Variants in ZNF77 observed in about 807,000 individuals in gnomAD.
ZNF77 encodes the protein ZNFpT1.
A neutral mutation model predicts 13.5 loss-of-function variants in ZNF77; 15 were observed. The observed-to-expected ratio is 1.11, with a 90% confidence interval of 0.74 to 1.71. The LOEUF (loss-of-function observed/expected upper bound fraction) is 1.71. ZNF77 is among the 40% of genes most tolerant of loss of function. The pLI is 0.00. For missense variants in ZNF77, 717 were observed against 676.4 expected, an observed-to-expected ratio of 1.06 and a Z score of -0.67; for synonymous variants, 282 against 250.0, an observed-to-expected ratio of 1.13 and a Z score of -1.21.
rs918835815 is a variant in ZNF77, at chr19:2,943,480, G to A, written c.3+1358C>T. Among the ~76,000 whole-genome samples, 4 of 151,830 alleles carry A rather than the reference G, an allele frequency of 2.6e-5. No homozygotes were observed. In the Admixed American group the frequency reaches 2.6e-4, roughly 10 times the overall value. On this transcript the variant is annotated intron_variant, in intron 1 of 3. Transcript: ENST00000314531. ...TGGCCCCCCCGAGTCTGAGCAAGCA[G>A]TAAGTGTGGAGTCCCCTGTCACCTC... is the stretch of plus-strand genomic sequence containing the variant.
chr19:2,935,575 C>A (rs1460601217), intron 3 of ZNF77, among the ~76,000 whole-genome samples: 17 of 151,672 alleles, frequency 1.1e-4, no homozygotes. Context: ...AGGTGATCCA[C>A]CTGCCTCAGC....
At position 2,933,658 on chromosome 19, in the gene ZNF77, T is replaced by G; in HGVS notation, c.1469A>C (p.Lys490Thr). 1 of 1,613,740 alleles carries G rather than the reference T, an allele frequency of 6.2e-7. No individual in the cohort carries two copies. The highest frequency in any genetic ancestry group is 1.1e-5 in the South Asian group (1 of 91,038). The change falls in exon 4 of 4, where the codon AAA becomes ACA. Residue 490 changes from lysine (K) to threonine (T), a missense_variant. Lys to Thr is a moderately conservative substitution (Grantham distance 78). Coordinates refer to ENST00000314531, the MANE Select transcript of ZNF77 (RefSeq NM_021217.3). ...CCCACATTCAGTACATTCGTAGGGT[T>G]TGACCCCACTGTGTGATCTCACATG... ...QKHVRSHSGV[K>T]PYECTECGKA... is the part of the protein sequence containing the mutation.
intron 1 of ZNF77, among the ~76,000 whole-genome samples, chr19:2,942,102 T>A (rs1245793196): frequency 6.6e-6 from 1 of 151,744 alleles, no homozygotes; most frequent in Admixed American, 6.6e-5. Context: ...GACAGGGTCT[T>A]GCTCCGTCTC....
At position 2,934,604 on chromosome 19, in the gene ZNF77, A is replaced by C. The variant is rs34727043; in HGVS notation, c.523T>G (p.Ser175Ala). 6.2e-4 allele frequency: 994 copies of C among 1,614,102 alleles called. 7 individuals are homozygous for C. In the African/African-American group the frequency reaches 0.012, roughly 19 times the overall value. Residue 175 changes from serine to alanine, a missense_variant, in exon 4 of 4, where the codon TCC becomes GCC. Coordinates refer to ENST00000314531, the MANE Select transcript of ZNF77 (RefSeq NM_021217.3). ...KECGQACSCL[S>A]CQSPPMKTQT... is the part of the protein sequence containing the mutation. ...GTTTTCATAGGAGGGCTTTGGCAGG[A>C]GAGGCAGCTGCAGGCTTGCCCACAT... is the stretch of plus-strand genomic sequence containing the variant.
chr19:2,934,737 A>G lies in ZNF77; in HGVS notation c.390T>C (p.Leu130=), dbSNP rs370482775. Residue 130 remains leucine, a synonymous_variant, in exon 4 of 4, where the codon CTT becomes CTC. Transcript: ENST00000314531. ...GETLSQTANL[L]VHKSYPTEAK... ...CTTCGGTAGGGTAACTCTTGTGCAC[A>G]AGAAGGTTCGCAGTCTGGCTCAAGG... 23 of 1,614,048 alleles carry G rather than the reference A, an allele frequency of 1.4e-5. No individual in the cohort carries two copies. The highest frequency in any genetic ancestry group is 1.9e-5 in the Non-Finnish European group (23 of 1,180,018).
rs1440405034 is a variant in ZNF77, at chr19:2,933,909, C to T, written c.1218G>A (p.Lys406=). The change falls in exon 4 of 4, where the codon AAG becomes AAA. Residue 406 remains lysine, a synonymous_variant. Transcript: ENST00000314531. ...RRHVKTHSGV[K]PYQCKECGKA... is the part of the protein sequence containing the mutation. ...TCCCACACTCTTTACATTGATAGGG[C>T]TTCACCCCGCTGTGTGTTTTCACAT... is the stretch of plus-strand genomic sequence containing the variant. 5.0e-6 allele frequency: 8 copies of T among 1,612,006 alleles called. 1 individual carries two copies. The Admixed American group carries it at 5.0e-5, about 10-fold the overall frequency.
rs1180116172 is a variant in ZNF77 at position 2,944,761 on chromosome 19, T to A, written c.3+77A>T. 2.0e-6 allele frequency: 3 copies of A among 1,466,394 alleles called. No individual in the cohort carries two copies. In the African/African-American group the frequency reaches 4.4e-5, roughly 22 times the overall value. 90.8% of individuals were successfully genotyped at this position (1,466,394 alleles called of 1,614,324 possible). A position where few individuals can be genotyped will look rare whatever the true frequency, so the allele number is the denominator to read the frequency against. On this transcript the variant is annotated intron_variant, in intron 1 of 3. Coordinates refer to ENST00000314531, the MANE Select transcript of ZNF77 (RefSeq NM_021217.3). ...CGCGCGTCCCTCAGCTTTCTCCGGC[T>A]GCGAACTCGGGCGGAAGCCGGTTCC...
In ZNF77 at chr19:2,933,897, A is replaced by G. The variant is rs2088368490; in HGVS notation, c.1230T>C (p.Cys410=). ...KTHSGVKPYQ[C]KECGKAYSFS... Reference sequence around the variant, plus strand: ...AACTGTAGGCTTTCCCACACTCTTTACATTGATAGGGCTTCACCCCGCTGT... The same window carrying G: ...AACTGTAGGCTTTCCCACACTCTTTGCATTGATAGGGCTTCACCCCGCTGT... Residue 410 remains cysteine (C), a synonymous_variant, in exon 4 of 4, where the codon TGT becomes TGC. Transcript: ENST00000314531. The G allele has an allele frequency of 6.2e-7, 1 of 1,613,644 alleles. No homozygotes were observed. Among genetic ancestry groups the G allele is most frequent in the Admixed American group, 1.7e-5 (1 of 59,942 alleles).
Position 2,939,371 on chromosome 19 carries a change from T to G in ZNF77, c.40A>C (p.Thr14Pro). The G allele has an allele frequency of 1.2e-6, 2 of 1,614,136 alleles. No homozygotes were observed. The highest frequency in any genetic ancestry group is 1.7e-6 in the Non-Finnish European group (2 of 1,180,004). The change falls in exon 2 of 4, where the codon ACC (threonine) becomes CCC (proline). Residue 14 changes from threonine to proline, a missense_variant. Coordinates refer to ENST00000314531, the MANE Select transcript of ZNF77 (RefSeq NM_021217.3). ...TCCAGCAATGCCCACTCTTCTGGGG[T>G]GAAGTTCACAGCCACTTCCTCAAAG... ...VIFEEVAVNF[T>P]PEEWALLDHA...
intron 1 of ZNF77, among the ~76,000 whole-genome samples, chr19:2,942,389 T>TC (rs1301832368): frequency 1.3e-5 from 2 of 149,756 alleles, no homozygotes; most frequent in African/African-American, 2.5e-5. Flanking sequence ...TTTTTTTTTT[T>TC]TTCCAGACAG....
At chr19:2,938,839 C>T (rs181213346) in intron 2 of ZNF77, among the ~76,000 whole-genome samples, 4 of 152,108 alleles carry the variant, frequency 2.6e-5, no homozygotes, top group African/African-American at 9.6e-5. Flanking sequence ...ACCTGTAGTC[C>T]CAGCTATTCA....
Position 2,934,761 on chromosome 19 carries a change from G to A in ZNF77, c.366C>T (p.Thr122=). The A allele has an allele frequency of 6.2e-7, 1 of 1,614,034 alleles. No individual in the cohort carries two copies. The change falls in exon 4 of 4, where the codon ACC becomes ACT. Residue 122 remains threonine (T), a synonymous_variant. Transcript: ENST00000314531. ...ESNEGHQCGE[T]LSQTANLLVH... ...CAAGAAGGTTCGCAGTCTGGCTCAA[G>A]GTCTCTCCGCATTGATGACCTTCAT...
Position 2,933,556 on chromosome 19 carries a change from T to C in ZNF77, c.1571A>G (p.Gln524Arg). Residue 524 changes from glutamine to arginine, a missense_variant, in exon 4 of 4, where the codon CAG becomes CGG. Coordinates refer to ENST00000314531, the MANE Select transcript of ZNF77 (RefSeq NM_021217.3). Reference protein sequence around the residue: ...HTGERPYECKQCGKTFRYLAS... With the variant: ...HTGERPYECKRCGKTFRYLAS... ...GAGATACCTGAAGGTTTTCCCACAC[T>C]GCTTGCATTCATACGGTCTCTCTCC... The C allele has an allele frequency of 6.2e-7, 1 of 1,611,258 alleles. No homozygotes were observed. The highest frequency in any genetic ancestry group is 8.5e-7 in the Non-Finnish European group (1 of 1,177,834).
intron 3 of ZNF77, among the ~76,000 whole-genome samples, chr19:2,935,569 G>A (rs1171210628): frequency 6.7e-6 from 1 of 150,178 alleles, no homozygotes; most frequent in African/African-American, 2.5e-5. Flanking sequence ...GACCTCAGGT[G>A]ATCCACCTGC....
At chr19:2,938,699 G>A (rs1017917884) in intron 2 of ZNF77, among the ~76,000 whole-genome samples, 1 of 152,182 alleles carries the variant, frequency 6.6e-6, no homozygotes. Flanking sequence ...GCTCACGCCT[G>A]TAATCCCAGC....
chr19:2,934,634 T>C lies in ZNF77; in HGVS notation c.493A>G (p.Lys165Glu). ...CAGCTGCAGGCTTGCCCACATTCCT[T>C]ACACGGTCTCTGTCCAGTGTGAGAT... ...QRSHTGQRPC[K>E]ECGQACSCLS... Residue 165 changes from lysine to glutamate, a missense_variant, in exon 4 of 4, where the codon AAG (lysine) becomes GAG (glutamate). Lys to Glu is a moderately conservative substitution (Grantham distance 56). Transcript: ENST00000314531. 1.2e-6 allele frequency: 2 copies of C among 1,614,182 alleles called. No individual in the cohort carries two copies. Among genetic ancestry groups the C allele is most frequent in the Non-Finnish European group, 1.7e-6 (2 of 1,180,028 alleles).
At chr19:2,938,188 C>T (rs961983199) in intron 2 of ZNF77, among the ~76,000 whole-genome samples, 5 of 152,288 alleles carry the variant, frequency 3.3e-5, no homozygotes, top group Admixed American at 1.3e-4. Context: ...CCACTATGCC[C>T]GGCTGCCCTC....
intron 2 of ZNF77, among the ~76,000 whole-genome samples, chr19:2,938,700 T>C (rs963760954): frequency 5.9e-5 from 9 of 152,176 alleles, no homozygotes; most frequent in Non-Finnish European, 8.8e-5. Context: ...CTCACGCCTG[T>C]AATCCCAGCA....
intron 1 of ZNF77, among the ~76,000 whole-genome samples, chr19:2,943,504 TC>T (rs2088468698): frequency 6.6e-6 from 1 of 151,608 alleles, no homozygotes; most frequent in Non-Finnish European, 1.5e-5. Flanking sequence ...CCCTGTCACC[TC>T]CCCTGAGCTA....
Sources: gnomAD v4.1 joint callset for allele counts (sites outside exome capture counted in the v4.1 genomes callset) on GRCh38, gnomAD v4.1.1 for gene constraint, MANE v1.5 for transcripts, NCBI Gene and HGNC (gene_info 2026-07-23, HGNC 2026-07-21) for gene names.